TMEM38A: variants seen among roughly 807,000 people sequenced by gnomAD.
TMEM38A encodes the protein trimeric intracellular cation channel type A.
A neutral mutation model predicts 28.6 loss-of-function variants in TMEM38A; 17 were observed. The observed-to-expected ratio is 0.60, with a 90% confidence interval of 0.41 to 0.89. The LOEUF is 0.89. TMEM38A is among the 40% of genes least tolerant of loss of function. The pLI is 0.00. For missense variants in TMEM38A, 328 were observed against 393.1 expected (o/e 0.83, Z 1.40); for synonymous variants, 169 against 166.1 (o/e 1.02, Z -0.14).
intron 1 of TMEM38A, among the ~76,000 whole-genome samples, chr19:16,666,545 C>T (rs1458825753): frequency 6.6e-6 from 1 of 152,104 alleles, no homozygotes; most frequent in Non-Finnish European, 1.5e-5. Flanking sequence ...CCTCCCACCT[C>T]AGCTTCCCAT....
intron 1 of TMEM38A, among the ~76,000 whole-genome samples, chr19:16,675,565 T>A (rs2086746969): frequency 6.9e-6 from 1 of 144,080 alleles, no homozygotes; most frequent in African/African-American, 2.7e-5. Context: ...TTTTTTTTTT[T>A]AGAGACAGAG....
At chr19:16,675,466 T>C (rs2086746202) in intron 1 of TMEM38A, among the ~76,000 whole-genome samples, 1 of 151,640 alleles carries the variant, frequency 6.6e-6, no homozygotes, top group African/African-American at 2.4e-5. Context: ...ACTCCTAGGC[T>C]CAAGAGATCC....
intron 1 of TMEM38A, among the ~76,000 whole-genome samples, chr19:16,670,666 CG>C: frequency 6.7e-6 from 1 of 149,626 alleles, no homozygotes; most frequent in East Asian, 2.1e-4. Context: ...CAGCCGGGTG[CG>C]GGGGCTCATG....
chr19:16,680,681 C>T (rs2086778435), intron 3 of TMEM38A, 100 bp downstream of exon 3: 22 of 1,259,662 alleles, frequency 1.7e-5, no homozygotes, highest in Non-Finnish European at 1.1e-6. Flanking sequence ...GCTCCAGGCA[C>T]AGGGGCATAA....
At chr19:16,686,480 A>T (rs1408882083) in intron 5 of TMEM38A, 75 bp downstream of exon 5, 1 of 1,215,224 alleles carries the variant, frequency 8.2e-7, no homozygotes, top group Non-Finnish European at 1.2e-6. Context: ...GGAGTGGGGA[A>T]ATTGGACACT....
intron 1 of TMEM38A, among the ~76,000 whole-genome samples, chr19:16,668,961 T>A (rs1396880143): frequency 6.6e-6 from 1 of 151,746 alleles, no homozygotes; most frequent in Non-Finnish European, 1.5e-5. Flanking sequence ...CCTAAGCAGC[T>A]AGGATTACAA....
At chr19:16,685,424 GAGGCAGAGTACAGGAAAGAAA>G (rs2086797950) in intron 4 of TMEM38A, among the ~76,000 whole-genome samples, 1 of 152,128 alleles carries the variant, frequency 6.6e-6, no homozygotes, top group South Asian at 2.1e-4. Flanking sequence ...AAATGTGCAT[GAGGCAGAGTACAGGAAAGAAA>G]AGGTGAAAAT....
intron 1 of TMEM38A, among the ~76,000 whole-genome samples, chr19:16,676,518 G>T (rs1448276893): frequency 6.6e-6 from 1 of 152,108 alleles, no homozygotes; most frequent in Non-Finnish European, 1.5e-5. Flanking sequence ...TGATCATAAA[G>T]TTGTTCTCTG....
At chr19:16,678,903 C>T (rs889417169) in intron 1 of TMEM38A, among the ~76,000 whole-genome samples, 1 of 151,054 alleles carries the variant, frequency 6.6e-6, no homozygotes, top group Non-Finnish European at 1.5e-5. Context: ...AATCCCAGCA[C>T]TTTGGGAGGC....
chr19:16,669,595 T>G (rs1243118291), intron 1 of TMEM38A, among the ~76,000 whole-genome samples: 1 of 152,090 alleles, frequency 6.6e-6, no homozygotes, highest in Non-Finnish European at 1.5e-5. Context: ...ACTACAAGCT[T>G]TTTGAGGGCA....
intron 1 of TMEM38A, among the ~76,000 whole-genome samples, chr19:16,671,730 G>A (rs1227582120): frequency 6.6e-6 from 1 of 152,164 alleles, no homozygotes; most frequent in East Asian, 1.9e-4. Context: ...GCGCCCAGCC[G>A]GCATGTGACT....
intron 4 of TMEM38A, among the ~76,000 whole-genome samples, chr19:16,683,592 C>CA (rs558424228): frequency 0.18 from 14,439 of 80,734 alleles, 1,483 homozygotes; most frequent in African/African-American, 0.31. Flanking sequence ...GACCTTGTCT[C>CA]AAAAAAAAAA....
intron 1 of TMEM38A, among the ~76,000 whole-genome samples, 184 bp from the exon 2 acceptor site, chr19:16,679,800 A>G (rs60478040): frequency 0.015 from 2,253 of 152,102 alleles, 59 homozygotes; most frequent in African/African-American, 0.052. Flanking sequence ...TCGGCTCTCT[A>G]TTTTCTCTGT....
At chr19:16,665,812 CTTTT>C (rs112668614) in intron 1 of TMEM38A, among the ~76,000 whole-genome samples, 1 of 141,050 alleles carries the variant, frequency 7.1e-6, no homozygotes, top group Non-Finnish European at 1.5e-5. Flanking sequence ...TTTTCTTTTC[CTTTT>C]TTTTTTTTTT....
chr19:16,661,575 C>T lies in TMEM38A; in HGVS notation c.124+234C>T, dbSNP rs1029119384. On this transcript the variant is annotated intron_variant, in intron 1 of 5. Transcript: ENST00000187762. The surrounding 1 kb of genome is among the most constrained non-coding windows in gnomAD (Gnocchi z 6.5). ...CTGGGGGAGGGGAAGGAGAGGCGTG[C>T]GCGGGTTTAGAGGAGGGGGAACAGG... 6.6e-6 allele frequency among the ~76,000 whole-genome samples: 1 copy of T among 151,500 alleles called. No individual in the cohort carries two copies. The highest frequency in any genetic ancestry group is 2.4e-5 in the African/African-American group (1 of 41,150).
At chr19:16,675,610 G>A (rs997290542) in intron 1 of TMEM38A, among the ~76,000 whole-genome samples, 3 of 148,376 alleles carry the variant, frequency 2.0e-5, no homozygotes, top group Non-Finnish European at 4.4e-5. Context: ...GTGCAATGGT[G>A]CAATCTCAGC....
At chr19:16,669,777 T>C (rs888769904) in intron 1 of TMEM38A, among the ~76,000 whole-genome samples, 2 of 151,996 alleles carry the variant, frequency 1.3e-5, no homozygotes, top group Non-Finnish European at 2.9e-5. Flanking sequence ...TCTGACTGAA[T>C]AGCACAGTGC....
chr19:16,677,560 TC>T (rs1275872586), intron 1 of TMEM38A, among the ~76,000 whole-genome samples: 3 of 146,728 alleles, frequency 2.0e-5, no homozygotes, highest in African/African-American at 7.5e-5. Flanking sequence ...TGGCCTCCCC[TC>T]CCCTTCCCTC....
At chr19:16,670,280 T>G (rs1489504734) in intron 1 of TMEM38A, among the ~76,000 whole-genome samples, 24 of 150,446 alleles carry the variant, frequency 1.6e-4, no homozygotes, top group Non-Finnish European at 3.2e-4. Context: ...TTTTTTGTTT[T>G]TTTTTTTTTT....
Sources: gnomAD v4.1 joint callset for allele counts (sites outside exome capture counted in the v4.1 genomes callset) on GRCh38, gnomAD v4.1.1 for gene constraint, Gnocchi (gnomAD v3.1) non-coding constraint, MANE v1.5 for transcripts, NCBI Gene and HGNC (gene_info 2026-07-23, HGNC 2026-07-21) for gene names.